The following FBXL13 variants were observed in gnomAD, a reference collection of about 807,000 sequenced individuals.
The protein encoded by FBXL13 is F-box and leucine-rich repeat protein 13.
FBXL13 carries 67 observed loss-of-function variants against 83.6 expected under a neutral mutation model. The observed-to-expected ratio is 0.80, with a 90% CI of 0.66 to 0.98. FBXL13 has a LOEUF of 0.98. FBXL13 is among the 50% of genes least tolerant of loss of function. The pLI is 0.00. For synonymous variants in FBXL13, 272 were observed against 299.5 expected, an observed-to-expected ratio of 0.91 and a Z score of 0.95; for missense variants, 822 against 866.5, an observed-to-expected ratio of 0.95 and a Z score of 0.64.
At chr7:103,015,511 G>A (rs535278001) in intron 6 of FBXL13, among the ~76,000 whole-genome samples, 7 of 152,204 alleles carry the variant, frequency 4.6e-5, no homozygotes. Flanking sequence ...CAAAATCACT[G>A]TACTAGCTGT....
At chr7:102,863,286 G>C (rs1807119386) in intron 16 of FBXL13, among the ~76,000 whole-genome samples, 1 of 152,036 alleles carries the variant, frequency 6.6e-6, no homozygotes. Context: ...ATATAACCTA[G>C]GGTATTTGAT....
At chr7:102,970,800 T>G (rs1199888799) in intron 6 of FBXL13, among the ~76,000 whole-genome samples, 2 of 152,180 alleles carry the variant, frequency 1.3e-5, no homozygotes, top group Admixed American at 1.3e-4. Flanking sequence ...GTTATTGAAA[T>G]TTAAAACTCA....
intron 6 of FBXL13, among the ~76,000 whole-genome samples, chr7:103,001,108 T>TTA (rs1410807488): frequency 1.4e-5 from 2 of 146,816 alleles, no homozygotes; most frequent in South Asian, 2.2e-4. Context: ...CCACACCCAG[T>TTA]TCTATATATA....
intron 10 of FBXL13, among the ~76,000 whole-genome samples, chr7:102,924,179 G>A (rs1289603283): frequency 1.3e-5 from 2 of 151,304 alleles, no homozygotes; most frequent in Admixed American, 6.6e-5. Context: ...CGAAGGTTGC[G>A]GTGAGCTGAG....
intron 8 of FBXL13, among the ~76,000 whole-genome samples, chr7:102,954,155 C>T (rs964655912): frequency 9.9e-5 from 15 of 152,094 alleles, no homozygotes; most frequent in Admixed American, 3.9e-4. Context: ...CACAAGGGGT[C>T]GGGGGATTTC....
chr7:103,004,802 T>C (rs1040098197), intron 6 of FBXL13, among the ~76,000 whole-genome samples: 7 of 152,192 alleles, frequency 4.6e-5, no homozygotes, highest in African/African-American at 1.7e-4. Context: ...AGCCTCAGAC[T>C]TGAGTTCTGG....
intron 17 of FBXL13, among the ~76,000 whole-genome samples, chr7:102,848,948 C>CGA (rs1562990077): frequency 6.6e-6 from 1 of 152,038 alleles, no homozygotes; most frequent in East Asian, 1.9e-4. Context: ...TGCAGTGAGT[C>CGA]GAGATCGTGC....
At chr7:102,913,056 C>T (rs755183814) in intron 11 of FBXL13, 30 bp downstream of exon 12, 5 of 1,613,772 alleles carry the variant, frequency 3.1e-6, no homozygotes, top group South Asian at 1.1e-5. Flanking sequence ...TCCTCACACA[C>T]CGCAGCAAAG....
In FBXL13 at chr7:102,864,915, G is replaced by A. The variant is rs560472957; in HGVS notation, c.1636-10055C>T. 1.2e-3 allele frequency among the ~76,000 whole-genome samples: 179 copies of A among 152,210 alleles called. 1 individual carries two copies. Among genetic ancestry groups the A allele is most frequent in the Non-Finnish European group, 2.1e-3 (140 of 68,020 alleles). ...CAGAGAAATTGAGTAACTTGCCTGC[G>A]GTCTCAAAGTGCCATGGCACCAGCT... On this transcript the variant is annotated intron_variant, in intron 16 of 19. Transcript: ENST00000313221.
intron 19 of FBXL13, among the ~76,000 whole-genome samples, chr7:102,818,678 A>AT (rs1798355532): frequency 6.6e-6 from 1 of 152,190 alleles, no homozygotes; most frequent in Non-Finnish European, 1.5e-5. Flanking sequence ...TCATACTGTG[A>AT]TTTGGGGCTC....
rs1404474671 is a variant in FBXL13, at chr7:102,848,448, C to T, written c.1719+6329G>A. Among the ~76,000 whole-genome samples the T allele has an allele frequency of 1.1e-4, 10 of 94,492 alleles. 2 individuals carry two copies. Among genetic ancestry groups the T allele is most frequent in the South Asian group, 3.5e-4 (1 of 2,844 alleles). The allele number at this position is 94,492 out of a possible 152,430, so 62.0% of individuals were successfully genotyped here. ...GCGGGCGCCTGTAGTCCCAGCTACT[C>T]GGGAGGCTGAGGCAGGAGAATGGCG... On this transcript the variant is annotated intron_variant, in intron 17 of 19. Transcript: ENST00000313221.
At chr7:102,934,750 C>A in intron 8 of FBXL13, 1 of 1,331,554 alleles carries the variant, frequency 7.5e-7, no homozygotes, top group Non-Finnish European at 1.0e-6. Context: ...ATCTTATAAT[C>A]CTCCCTACAT....
chr7:102,869,524 G>A (rs78654586), intron 16 of FBXL13, among the ~76,000 whole-genome samples: 252 of 152,016 alleles, frequency 1.7e-3, no homozygotes, highest in African/African-American at 5.3e-3. Flanking sequence ...CTGTGTTTTC[G>A]AGGTACCATC....
chr7:102,851,563 C>CTCTCTCTCTTTCTCTTTCTT (rs1189403831), intron 17 of FBXL13, among the ~76,000 whole-genome samples: 5 of 145,734 alleles, frequency 3.4e-5, no homozygotes, highest in Non-Finnish European at 7.5e-5. Flanking sequence ...TTCTCTCTCT[C>CTCTCTCTCTTTCTCTTTCTT]TCTCTCTCTT....
chr7:102,996,591 T>G (rs912052002), intron 6 of FBXL13, among the ~76,000 whole-genome samples: 3 of 152,140 alleles, frequency 2.0e-5, no homozygotes, highest in Admixed American at 6.6e-5. Context: ...AGTCCTCTCC[T>G]CCCCAGCAGT....
intron 6 of FBXL13, among the ~76,000 whole-genome samples, chr7:102,995,282 C>A (rs1241817412): frequency 6.6e-6 from 1 of 151,182 alleles, no homozygotes; most frequent in East Asian, 1.9e-4. Context: ...GAGATCGAGA[C>A]CATTATGGCT....
At chr7:102,980,228 T>C (rs929175125) in intron 6 of FBXL13, among the ~76,000 whole-genome samples, 2 of 152,136 alleles carry the variant, frequency 1.3e-5, no homozygotes, top group African/African-American at 2.4e-5. Context: ...TACAAAGATA[T>C]AGTAATCAAA....
intron 8 of FBXL13, among the ~76,000 whole-genome samples, chr7:102,953,496 T>C (rs185465753): frequency 1.9e-4 from 29 of 152,118 alleles, no homozygotes; most frequent in South Asian, 6.2e-4. Context: ...GAAGTAGGAA[T>C]ATATGGGAGC....
chr7:103,072,730 T>C (rs1205793460), intron 1 of FBXL13, among the ~76,000 whole-genome samples: 2 of 152,214 alleles, frequency 1.3e-5, no homozygotes, highest in East Asian at 1.9e-4. Context: ...CCTCACTTAA[T>C]TACTCCCTCT....
Sources: allele counts gnomAD v4.1 joint callset (sites outside exome capture counted in the v4.1 genomes callset), GRCh38; gene constraint gnomAD v4.1.1; transcripts MANE v1.5; gene names NCBI Gene and HGNC (gene_info 2026-07-23, HGNC 2026-07-21).